Variants in KATNIP observed in about 807,000 individuals in gnomAD.
KATNIP encodes the protein katanin-interacting protein.
In KATNIP, 126 loss-of-function variants were observed where a neutral mutation model predicts 174.0. The ratio of observed to expected loss-of-function variants is 0.72; its 90% CI spans 0.63 to 0.84. The LOEUF (loss-of-function observed/expected upper bound fraction) is 0.84, where lower values mean the gene tolerates loss of function less well. Among genes scored for constraint, KATNIP ranks in the 40% least tolerant of loss-of-function variants. KATNIP has a pLI of 0.00. For missense variants in KATNIP, 1,958 were observed against 2,109.7 expected, an observed-to-expected ratio of 0.93 and a Z score of 1.41; for synonymous variants, 810 against 835.7, an observed-to-expected ratio of 0.97 and a Z score of 0.53.
rs557660322 is a variant in KATNIP at position 27,654,494 on chromosome 16, T to C, written c.540+5759T>C. ...CTTTAGGAGCAAGAGCAGAGGGTGA[T>C]TTAATGAGGAGAAGATGGGAGGCAG... On this transcript the variant is annotated intron_variant, in intron 6 of 27. Coordinates refer to ENST00000261588, the MANE Select transcript of KATNIP (RefSeq NM_015202.5). 3.4e-6 allele frequency: 3 copies of C among 881,490 alleles called. No individual in the cohort carries two copies. The South Asian group carries it at 4.1e-5, about 12-fold the overall frequency. 54.6% of individuals were successfully genotyped at this position (881,490 alleles called of 1,614,324 possible). A position where few individuals can be genotyped will look rare whatever the true frequency, so the allele number is the denominator to read the frequency against.
chr16:27,724,091 T>G (rs888860044), intron 14 of KATNIP, among the ~76,000 whole-genome samples: 6 of 152,214 alleles, frequency 3.9e-5, no homozygotes, highest in Admixed American at 1.3e-4. Context: ...GCCAAGCCAC[T>G]GGGAACTTGC....
At position 27,777,086 on chromosome 16, in the gene KATNIP, G is replaced by T. The variant is rs908513881; in HGVS notation, c.4551+57G>T. ...AATTATGCTCGTTGGTAATTAGGCC[G>T]CCGGCAATTATCATTTGTCGCAGTT... On this transcript the variant is annotated intron_variant, in intron 25 of 27. Transcript: ENST00000261588. The surrounding 1 kb of genome is among the most constrained non-coding windows in gnomAD (Gnocchi z 4.4). 9.3e-7 allele frequency: 1 copy of T among 1,076,554 alleles called. No individual in the cohort carries two copies. Among genetic ancestry groups the T allele is most frequent in the Non-Finnish European group, 1.4e-6 (1 of 695,550 alleles). 66.7% of individuals were successfully genotyped at this position (1,076,554 alleles called of 1,614,324 possible).
intron 1 of KATNIP, among the ~76,000 whole-genome samples, 177 bp from the exon 2 acceptor site, chr16:27,573,724 G>A (rs909303140): frequency 9.2e-5 from 14 of 152,106 alleles, no homozygotes; most frequent in African/African-American, 3.1e-4. Context: ...TTTCCTTGCC[G>A]TTGGTCTATT....
At chr16:27,658,691 C>T (rs890491913) in intron 6 of KATNIP, among the ~76,000 whole-genome samples, 59 of 152,240 alleles carry the variant, frequency 3.9e-4, no homozygotes, top group African/African-American at 1.3e-3. Flanking sequence ...AAAAAAATAA[C>T]AGATGGAAGT....
intron 1 of KATNIP, among the ~76,000 whole-genome samples, chr16:27,570,973 AG>A (rs2090269949): frequency 6.6e-6 from 1 of 152,200 alleles, no homozygotes; most frequent in African/African-American, 2.4e-5. Context: ...GGGAAAAAAA[AG>A]TTTTCAAATG....
chr16:27,650,074 G>A (rs1159667388), intron 6 of KATNIP, among the ~76,000 whole-genome samples: 3 of 152,120 alleles, frequency 2.0e-5, no homozygotes, highest in Non-Finnish European at 4.4e-5. Context: ...TTGGGAGGCT[G>A]AGACAGGAGA....
chr16:27,600,421 G>A (rs764890892), intron 2 of KATNIP, among the ~76,000 whole-genome samples: 34 of 152,166 alleles, frequency 2.2e-4, no homozygotes, highest in Non-Finnish European at 4.7e-4. Context: ...CCTGCCGTTA[G>A]CACAAACAGG....
chr16:27,763,619 CAAAAAAAAAAAAA>C (rs565418198), intron 19 of KATNIP, among the ~76,000 whole-genome samples: 1 of 50,712 alleles, frequency 2.0e-5, no homozygotes, highest in Non-Finnish European at 4.1e-5. Flanking sequence ...TGTCTCAACA[CAAAAAAAAAAAAA>C]AAAAAAGAAA....
chr16:27,640,208 C>G (rs233459), intron 5 of KATNIP, among the ~76,000 whole-genome samples: 135,339 of 152,304 alleles, frequency 0.89, 60,381 homozygotes, highest in East Asian at 1. Flanking sequence ...TCCTCCTCCC[C>G]CATATGATTG....
At chr16:27,577,379 C>CAAAAAAATT (rs1555511767) in intron 2 of KATNIP, among the ~76,000 whole-genome samples, 1 of 151,700 alleles carries the variant, frequency 6.6e-6, no homozygotes, top group Non-Finnish European at 1.5e-5. Context: ...CCTTTCTCTA[C>CAAAAAAATT]AAAAAAATTA....
chr16:27,631,222 A>C, intron 5 of KATNIP, 60 bp downstream of exon 5: 1 of 1,296,560 alleles, frequency 7.7e-7, no homozygotes, highest in Non-Finnish European at 1.1e-6. Flanking sequence ...GGCTGTGGGA[A>C]TAGAAATACA....
intron 2 of KATNIP, among the ~76,000 whole-genome samples, chr16:27,582,451 C>G (rs188350683): frequency 1.3e-5 from 2 of 152,182 alleles, no homozygotes; most frequent in African/African-American, 2.4e-5. Flanking sequence ...AAATGTATTC[C>G]CACTTGCGAA....
chr16:27,558,891 G>A (rs1019328306), intron 1 of KATNIP, among the ~76,000 whole-genome samples: 5 of 152,278 alleles, frequency 3.3e-5, no homozygotes, highest in Middle Eastern at 3.4e-3. Flanking sequence ...AGTCGAATAA[G>A]GTCTACACTT....
Position 27,603,974 on chromosome 16 carries a change from C to T in KATNIP, c.64-14451C>T, listed in dbSNP as rs149225284. Among the ~76,000 whole-genome samples the T allele has an allele frequency of 2.7e-3, 404 of 152,162 alleles. 3 individuals are homozygous for T. Among genetic ancestry groups the T allele is most frequent in the African/African-American group, 8.6e-3 (357 of 41,512 alleles). On this transcript the variant is annotated intron_variant, in intron 2 of 27. Transcript: ENST00000261588. ...CTGATCTCGAACTCCTGACCTCAGG[C>T]GATCCACCTGCCTCGGCCTTCCAAA...
In KATNIP at chr16:27,722,750, T is replaced by C. The variant is rs1429555183; in HGVS notation, c.1743+1055T>C. Among the ~76,000 whole-genome samples the C allele has an allele frequency of 2.0e-5, 3 of 152,194 alleles. No individual in the cohort carries two copies. The East Asian group carries it at 5.8e-4, about 29-fold the overall frequency. ...TGCCTCAGGGAAAAGGAAGGCCACT[T>C]TTCAGCTTCAACTAAGGGTTGCTTT... On this transcript the variant is annotated intron_variant, in intron 14 of 27. Coordinates refer to ENST00000261588, the MANE Select transcript of KATNIP (RefSeq NM_015202.5).
At chr16:27,586,381 G>A (rs549726280) in intron 2 of KATNIP, among the ~76,000 whole-genome samples, 1 of 152,242 alleles carries the variant, frequency 6.6e-6, no homozygotes, top group South Asian at 2.1e-4. Flanking sequence ...GCTTAGGCAG[G>A]AGGATCACTT....
intron 2 of KATNIP, among the ~76,000 whole-genome samples, chr16:27,579,059 G>A (rs2090600565): frequency 6.6e-6 from 1 of 152,206 alleles, no homozygotes; most frequent in African/African-American, 2.4e-5. Flanking sequence ...TTTTGAAATT[G>A]TGGTCATTGT....
intron 1 of KATNIP, among the ~76,000 whole-genome samples, chr16:27,572,908 T>A (rs1269801880): frequency 6.6e-6 from 1 of 152,194 alleles, no homozygotes; most frequent in Non-Finnish European, 1.5e-5. Flanking sequence ...CCTTGGCTCT[T>A]CCCTTTATTC....
In KATNIP at chr16:27,629,446, GTT is replaced by G. The variant is rs2076425471; in HGVS notation, c.310+619_310+620del. On this transcript the variant is annotated intron_variant, in intron 4 of 27. Transcript: ENST00000261588. ...TTATATCTGATTTTTCACTTAGTAT[GTT>G]TTAACTTTAGTACCTAACCCCTGTG... is the stretch of plus-strand genomic sequence containing the variant. Among the ~76,000 whole-genome samples the G allele has an allele frequency of 3.9e-5, 6 of 152,152 alleles. No individual in the cohort carries two copies. The South Asian group carries it at 1.2e-3, about 32-fold the overall frequency.
Sources: gnomAD v4.1 joint callset for allele counts (sites outside exome capture counted in the v4.1 genomes callset) on GRCh38, gnomAD v4.1.1 for gene constraint, Gnocchi (gnomAD v3.1) non-coding constraint, MANE v1.5 for transcripts, NCBI Gene and HGNC (gene_info 2026-07-23, HGNC 2026-07-21) for gene names.